DGKB: variants seen among roughly 807,000 people sequenced by gnomAD.
The protein encoded by DGKB is 90 kDa diacylglycerol kinase.
DGKB carries 67 observed loss-of-function variants against 114.3 expected under a neutral mutation model. The observed-to-expected ratio is 0.59, with a 90% CI of 0.48 to 0.72. DGKB has a LOEUF of 0.72. DGKB is among the 30% of genes least tolerant of loss of function. DGKB has a pLI of 0.00. For missense variants in DGKB, 907 were observed against 975.2 expected, an observed-to-expected ratio of 0.93 and a Z score of 0.93; for synonymous variants, 398 against 323.1, an observed-to-expected ratio of 1.23 and a Z score of -2.49.
In DGKB at chr7:14,556,487, C is replaced by G. The variant is rs555434462; in HGVS notation, c.1770+17725G>C. Among the ~76,000 whole-genome samples the G allele has an allele frequency of 2.6e-5, 4 of 152,138 alleles. No individual in the cohort carries two copies. In the South Asian group the frequency reaches 8.3e-4, roughly 32 times the overall value. ...TCACTTTTAAAAATTTGTTGACTGA[C>G]ATAGTGAGAGAAGAATTATGGTCTT... On this transcript the variant is annotated intron_variant, in intron 20 of 25. Transcript: ENST00000402815.
chr7:14,399,110 C>A (rs928123906), intron 21 of DGKB, among the ~76,000 whole-genome samples: 1 of 151,492 alleles, frequency 6.6e-6, no homozygotes, highest in Non-Finnish European at 1.5e-5. Context: ...GAATTTTTAA[C>A]TTCTCCAACG....
intron 21 of DGKB, among the ~76,000 whole-genome samples, chr7:14,437,000 C>T (rs1174086907): frequency 3.3e-5 from 5 of 152,072 alleles, no homozygotes; most frequent in Admixed American, 2.6e-4. Flanking sequence ...GAACATAACT[C>T]CATTGGCATT....
At chr7:14,791,728 G>T (rs1840692378) in intron 2 of DGKB, among the ~76,000 whole-genome samples, 1 of 152,096 alleles carries the variant, frequency 6.6e-6, no homozygotes, top group South Asian at 2.1e-4. Flanking sequence ...AGATCACACT[G>T]ATTGATTTTC....
At chr7:14,652,839 C>T (rs1020479677) in intron 13 of DGKB, among the ~76,000 whole-genome samples, 1 of 152,092 alleles carries the variant, frequency 6.6e-6, no homozygotes, top group Admixed American at 6.6e-5. Flanking sequence ...AAAAAGTGGG[C>T]AAAGTATATG....
In DGKB at chr7:14,374,433, C is replaced by G. The variant is rs530174719; in HGVS notation, c.1836-29042G>C. 8.7e-4 allele frequency among the ~76,000 whole-genome samples: 132 copies of G among 152,298 alleles called. 1 individual carries two copies. The highest frequency in any genetic ancestry group is 3.1e-3 in the African/African-American group (130 of 41,574). ...TCAAACTGGTTCTGCATTAGCATCT[C>G]TCTTTGCAATGTGCCTCAGCTGAAA... is the stretch of plus-strand genomic sequence containing the variant. On this transcript the variant is annotated intron_variant, in intron 21 of 25. Transcript: ENST00000402815.
At position 14,583,267 on chromosome 7, in the gene DGKB, T is replaced by C. The variant is rs1031205099; in HGVS notation, c.1434-130A>G. 4 of 545,022 alleles carry C rather than the reference T, an allele frequency of 7.3e-6. No homozygotes were observed. The African/African-American group carries it at 7.8e-5, about 11-fold the overall frequency. 33.8% of individuals were successfully genotyped at this position (545,022 alleles called of 1,614,324 possible). ...TAAAAACTGTAAAATATCTCAGTGA[T>C]AACTTACATATCCTTTAATCCTATT... On this transcript the variant is annotated intron_variant, in intron 17 of 25. Transcript: ENST00000402815.
At chr7:14,757,573 C>T (rs966326657) in intron 3 of DGKB, 82 bp downstream of exon 3, 11 of 767,312 alleles carry the variant, frequency 1.4e-5, no homozygotes, top group Non-Finnish European at 2.4e-5. Flanking sequence ...CACACACATA[C>T]ATTTTTCCAA....
intron 3 of DGKB, among the ~76,000 whole-genome samples, chr7:14,755,865 G>A (rs1255414820): frequency 6.6e-6 from 1 of 151,922 alleles, no homozygotes; most frequent in East Asian, 1.9e-4. Context: ...AATTGTTCTT[G>A]GGTTGTAATG....
At chr7:14,257,820 G>A (rs1008121145) in intron 23 of DGKB, among the ~76,000 whole-genome samples, 8 of 152,092 alleles carry the variant, frequency 5.3e-5, no homozygotes, top group African/African-American at 1.4e-4. Flanking sequence ...TCCGCCTCCC[G>A]GGTTCAAGCA....
At chr7:14,178,994 T>A (rs527624460) in intron 23 of DGKB, among the ~76,000 whole-genome samples, 24 of 152,316 alleles carry the variant, frequency 1.6e-4, no homozygotes, top group African/African-American at 5.8e-4. Context: ...ATGTTAATAA[T>A]TATTCATATT....
At chr7:14,775,824 C>A (rs2128479649) in intron 2 of DGKB, among the ~76,000 whole-genome samples, 1 of 151,952 alleles carries the variant, frequency 6.6e-6, no homozygotes, top group Middle Eastern at 3.4e-3. Flanking sequence ...TGAGAATGGA[C>A]TAAAACAGTA....
chr7:14,301,982 C>G (rs908456548), intron 23 of DGKB, among the ~76,000 whole-genome samples: 3 of 152,068 alleles, frequency 2.0e-5, no homozygotes, highest in Admixed American at 6.6e-5. Flanking sequence ...GAATCAGGCA[C>G]TCTCACAAGG....
At chr7:14,410,713 C>A (rs1172355943) in intron 21 of DGKB, among the ~76,000 whole-genome samples, 1 of 151,848 alleles carries the variant, frequency 6.6e-6, no homozygotes, top group Non-Finnish European at 1.5e-5. Context: ...AAATAGTTAC[C>A]ACATCTGAGC....
chr7:14,148,883 C>T lies in DGKB; in HGVS notation c.*248G>A. 2.0e-6 allele frequency: 1 copy of T among 493,096 alleles called. No homozygotes were observed. Among genetic ancestry groups the T allele is most frequent in the Non-Finnish European group, 3.6e-6 (1 of 278,104 alleles). The allele number at this position is 493,096 out of a possible 1,614,324, so 30.5% of individuals were successfully genotyped here. A position where few individuals can be genotyped will look rare whatever the true frequency, so the allele number is the denominator to read the frequency against. On this transcript the variant is annotated 3_prime_UTR_variant, in exon 26 of 26. Transcript: ENST00000402815. Reference sequence around the variant, plus strand: ...GGAGATGTAAAAATCTATGGGAATGCATGCACCAAAAATATGCAGTATCAC... The same window carrying T: ...GGAGATGTAAAAATCTATGGGAATGTATGCACCAAAAATATGCAGTATCAC...
At chr7:14,618,458 T>C (rs532185760) in intron 15 of DGKB, among the ~76,000 whole-genome samples, 44 of 151,798 alleles carry the variant, frequency 2.9e-4, no homozygotes, top group African/African-American at 1.0e-3. Context: ...AGGAACAAGG[T>C]AACTTCAACA....
intron 1 of DGKB, among the ~76,000 whole-genome samples, chr7:14,910,251 AAAGAAAGAAAG>A (rs1783919466): frequency 9.5e-5 from 1 of 10,538 alleles, no homozygotes; most frequent in Non-Finnish European, 1.8e-4. Flanking sequence ...AAAAAGAAAG[AAAGAAAGAAAG>A]AAAGAAAGAA....
intron 2 of DGKB, among the ~76,000 whole-genome samples, chr7:14,820,124 C>T (rs1352626398): frequency 6.6e-6 from 1 of 151,890 alleles, no homozygotes; most frequent in African/African-American, 2.4e-5. Flanking sequence ...TAGGAATTAC[C>T]TAGTAACATT....
At chr7:14,455,686 C>T (rs1032380304) in intron 21 of DGKB, among the ~76,000 whole-genome samples, 10 of 151,902 alleles carry the variant, frequency 6.6e-5, no homozygotes, top group South Asian at 2.1e-4. Context: ...GTAATTGAGT[C>T]GGAACATTTA....
intron 4 of DGKB, among the ~76,000 whole-genome samples, chr7:14,749,125 G>C (rs1306778380): frequency 6.6e-6 from 1 of 152,092 alleles, no homozygotes; most frequent in South Asian, 2.1e-4. Context: ...GATTAAATAT[G>C]CAGCATGGCT....
Sources: gnomAD v4.1 joint callset for allele counts (sites outside exome capture counted in the v4.1 genomes callset) on GRCh38, gnomAD v4.1.1 for gene constraint, MANE v1.5 for transcripts, NCBI Gene and HGNC (gene_info 2026-07-23, HGNC 2026-07-21) for gene names.